PIEZO2: variants seen among roughly 807,000 people sequenced by gnomAD.
PIEZO2 encodes the protein piezo-type mechanosensitive ion channel component 2.
A neutral mutation model predicts 337.3 loss-of-function variants in PIEZO2; 172 were observed. That is an observed-to-expected ratio of 0.51 (90% CI 0.45 to 0.58). The LOEUF is 0.58. Among genes scored for constraint, PIEZO2 ranks in the 20% least tolerant of loss-of-function variants. The pLI is 0.00. For synonymous variants in PIEZO2, 1,251 were observed against 1,228.5 expected (o/e 1.02, Z -0.38); for missense variants, 3,028 against 3,391.3 (o/e 0.89, Z 2.66).
intron 8 of PIEZO2, among the ~76,000 whole-genome samples, chr18:10,805,316 C>T (rs2039965157): frequency 6.6e-6 from 1 of 152,194 alleles, no homozygotes; most frequent in Admixed American, 6.5e-5. Context: ...GAGTTCCAGA[C>T]CAGCCTGGCC....
chr18:10,790,680 T>C lies in PIEZO2; in HGVS notation c.1882+521A>G, dbSNP rs572836296. On this transcript the variant is annotated intron_variant, in intron 14 of 55. Coordinates refer to ENST00000674853, the MANE Select transcript of PIEZO2 (RefSeq NM_001378183.1). ...GCCTCAGTTTTTCTTTCATTGGGAATCACCTTCGTGAGGATCAAATGGCAC... is the reference window on the plus strand; with the variant it reads ...GCCTCAGTTTTTCTTTCATTGGGAACCACCTTCGTGAGGATCAAATGGCAC... Among the ~76,000 whole-genome samples the C allele has an allele frequency of 4.6e-4, 70 of 150,936 alleles. No homozygotes were observed. In the South Asian group the frequency reaches 0.014, roughly 31 times the overall value.
At chr18:10,737,425 C>T (rs185199085) in intron 33 of PIEZO2, among the ~76,000 whole-genome samples, 7 of 152,318 alleles carry the variant, frequency 4.6e-5, no homozygotes, top group East Asian at 3.9e-4. Context: ...GCTGCTTCCA[C>T]GTGTCGTAGC....
At chr18:10,871,011 A>C (rs1025574523) in intron 5 of PIEZO2, among the ~76,000 whole-genome samples, 1 of 151,890 alleles carries the variant, frequency 6.6e-6, no homozygotes, top group Non-Finnish European at 1.5e-5. Context: ...GGTGGGTCAA[A>C]GCCTGGCCCT....
intron 2 of PIEZO2, among the ~76,000 whole-genome samples, chr18:11,060,389 G>A (rs1381850950): frequency 6.6e-6 from 1 of 152,010 alleles, no homozygotes; most frequent in Non-Finnish European, 1.5e-5. Context: ...CTAGCAGAAG[G>A]CAAGAAATAA....
chr18:10,734,467 C>T (rs1448912363), intron 35 of PIEZO2, among the ~76,000 whole-genome samples: 2 of 152,216 alleles, frequency 1.3e-5, no homozygotes, highest in African/African-American at 2.4e-5. Flanking sequence ...GTCTATGTCA[C>T]TATCGAACTA....
rs2036303441 is a variant in PIEZO2, at chr18:11,021,406, C to A, written c.161-41746G>T. 6.6e-6 allele frequency among the ~76,000 whole-genome samples: 1 copy of A among 152,134 alleles called. No individual in the cohort carries two copies. Among genetic ancestry groups the A allele is most frequent in the Non-Finnish European group, 1.5e-5 (1 of 68,026 alleles). On this transcript the variant is annotated intron_variant, in intron 2 of 55. Coordinates refer to ENST00000674853, the MANE Select transcript of PIEZO2 (RefSeq NM_001378183.1). This position sits in a 1 kb window ranked among gnomAD's most constrained non-coding sequence, Gnocchi z 4.7. The stretch of plus-strand genomic sequence containing the variant: ...CATCCCACTCTTGTATTCCATGCAA[C>A]CTGCGTGTGTCTGAAACAATGTTTC...
chr18:10,802,132 T>C (rs949282789), intron 9 of PIEZO2, among the ~76,000 whole-genome samples: 3 of 151,656 alleles, frequency 2.0e-5, no homozygotes, highest in African/African-American at 7.3e-5. Flanking sequence ...AAAAATTGAT[T>C]TGTAATGTGG....
At chr18:11,073,324 AG>A (rs2038413152) in intron 1 of PIEZO2, among the ~76,000 whole-genome samples, 2 of 152,190 alleles carry the variant, frequency 1.3e-5, no homozygotes, top group Admixed American at 1.3e-4. Flanking sequence ...AACAGAATAC[AG>A]TAAAAGTATT....
In PIEZO2 at chr18:10,781,375, C is replaced by T. The variant is rs2038975892; in HGVS notation, c.2493-1009G>A. 6.6e-6 allele frequency among the ~76,000 whole-genome samples: 1 copy of T among 151,902 alleles called. No individual in the cohort carries two copies. Among genetic ancestry groups the T allele is most frequent in the South Asian group, 2.1e-4 (1 of 4,808 alleles). ...GTCCCAGCTACTTGGGAGCCTGAGG[C>T]AGAAGAATCACTTGAACCCAGGAGG... On this transcript the variant is annotated intron_variant, in intron 17 of 55. Coordinates refer to ENST00000674853, the MANE Select transcript of PIEZO2 (RefSeq NM_001378183.1). This position sits in a 1 kb window ranked among gnomAD's most constrained non-coding sequence, Gnocchi z 4.1.
intron 2 of PIEZO2, among the ~76,000 whole-genome samples, chr18:11,052,560 A>G (rs1372031628): frequency 6.6e-6 from 1 of 152,194 alleles, no homozygotes; most frequent in East Asian, 1.9e-4. Context: ...TTAGAGAAAT[A>G]AAAGCATCAC....
chr18:11,122,779 C>G (rs1347409943), intron 1 of PIEZO2, among the ~76,000 whole-genome samples: 1 of 152,132 alleles, frequency 6.6e-6, no homozygotes, highest in Non-Finnish European at 1.5e-5. Flanking sequence ...GATGATCATT[C>G]TAACAGGCTG....
rs1002011076 is a variant in PIEZO2 at position 10,942,529 on chromosome 18, T to C, written c.287-31301A>G. Among the ~76,000 whole-genome samples the C allele has an allele frequency of 1.2e-4, 18 of 152,108 alleles. No individual in the cohort carries two copies. Among genetic ancestry groups the C allele is most frequent in the South Asian group, 1.0e-3 (5 of 4,820 alleles). On this transcript the variant is annotated intron_variant, in intron 3 of 55. Transcript: ENST00000674853. This position sits in a 1 kb window ranked among gnomAD's most constrained non-coding sequence, Gnocchi z 4.4. ...GGAACTTTGAACTTGAGAGAGATGA[T>C]TTAGGGTATCTGGCGGAAGAAATTT... is the stretch of plus-strand genomic sequence containing the variant.
At chr18:10,796,910 T>A (rs1355386488) in intron 12 of PIEZO2, among the ~76,000 whole-genome samples, 1 of 152,140 alleles carries the variant, frequency 6.6e-6, no homozygotes, top group Non-Finnish European at 1.5e-5. Flanking sequence ...ATATCATATC[T>A]TACATACCAT....
chr18:10,858,114 G>C (rs975908906), intron 5 of PIEZO2, among the ~76,000 whole-genome samples: 3 of 150,204 alleles, frequency 2.0e-5, no homozygotes, highest in African/African-American at 7.3e-5. Context: ...GAAGTCAAGA[G>C]ATCAAGACCA....
rs2042133337 is a variant in PIEZO2 at position 10,871,297 on chromosome 18, C to T, written c.448G>A (p.Asp150Asn). 6.5e-7 allele frequency: 1 copy of T among 1,537,228 alleles called. No individual in the cohort carries two copies. The highest frequency in any genetic ancestry group is 8.7e-7 in the Non-Finnish European group (1 of 1,146,870). The change falls in exon 5 of 56, where the codon GAC becomes AAC. Residue 150 changes from aspartate (D) to asparagine (N), a missense_variant. Asp to Asn is a conservative substitution (Grantham distance 23). Transcript: ENST00000674853. ...TCCGGGTTACTCTGTGCTGCTTCGT[C>T]TGTCACAGGTTTCTGAACAATGTTT... Reference protein sequence around the residue: ...CRNIVQKPVTDEAAQSNPEFE... With the variant: ...CRNIVQKPVTNEAAQSNPEFE...
At position 10,857,195 on chromosome 18, in the gene PIEZO2, A is replaced by G; in HGVS notation, c.509T>C (p.Ile170Thr). 3 of 1,537,598 alleles carry G rather than the reference A, an allele frequency of 2.0e-6. No homozygotes were observed. The highest frequency in any genetic ancestry group is 2.6e-6 in the Non-Finnish European group (3 of 1,146,964). The change falls in exon 6 of 56, where the codon ATT becomes ACT. Residue 170 changes from isoleucine to threonine, a missense_variant. This residue lies in a region of PIEZO2 where 542 missense variants were observed against 605.6 expected (regional missense o/e 0.89). Transcript: ENST00000674853. ...ENEELAEGEKIDSEEALIYEE... is the reference protein window; with the variant it reads ...ENEELAEGEKTDSEEALIYEE... ...ATAGATCAGTGCCTCTTCTGAATCA[A>G]TTTTTTCTCCTTCAGCCTAAATAAA...
intron 7 of PIEZO2, among the ~76,000 whole-genome samples, chr18:10,825,726 T>C (rs1598540273): frequency 6.6e-6 from 1 of 151,716 alleles, no homozygotes; most frequent in African/African-American, 2.4e-5. Context: ...AATTTTTGTA[T>C]TTTTAGTAGA....
At position 11,127,130 on chromosome 18, in the gene PIEZO2, A is replaced by G. The variant is rs1402553733; in HGVS notation, c.64+21395T>C. 6.6e-6 allele frequency among the ~76,000 whole-genome samples: 1 copy of G among 152,180 alleles called. No homozygotes were observed. The highest frequency in any genetic ancestry group is 6.5e-5 in the Admixed American group (1 of 15,270). On this transcript the variant is annotated intron_variant, in intron 1 of 55. Coordinates refer to ENST00000674853, the MANE Select transcript of PIEZO2 (RefSeq NM_001378183.1). The surrounding 1 kb of genome is among the most constrained non-coding windows in gnomAD (Gnocchi z 4.5). The stretch of plus-strand genomic sequence containing the variant: ...AACATGAAAGAATTGAGACAGAGTA[A>G]GTCCTGTGGAGATAATGACAGAAGT...
intron 4 of PIEZO2, among the ~76,000 whole-genome samples, chr18:10,908,086 T>C (rs2030121499): frequency 6.6e-6 from 1 of 152,216 alleles, no homozygotes; most frequent in African/African-American, 2.4e-5. Context: ...CCACATAAAC[T>C]GTGACTACGT....
Sources: allele counts gnomAD v4.1 joint callset (sites outside exome capture counted in the v4.1 genomes callset), GRCh38; gene constraint gnomAD v4.1.1; regional missense constraint gnomAD v4.1.1; non-coding constraint Gnocchi (gnomAD v3.1); transcripts MANE v1.5; gene names NCBI Gene and HGNC (gene_info 2026-07-23, HGNC 2026-07-21).